Variants in FAM53A observed in about 807,000 individuals in gnomAD.
FAM53A encodes protein FAM53A.
A neutral mutation model predicts 26.6 loss-of-function variants in FAM53A; 28 were observed. The ratio of observed to expected loss-of-function variants is 1.05; its 90% CI spans 0.78 to 1.45. The LOEUF (loss-of-function observed/expected upper bound fraction) is 1.45, where lower values mean the gene tolerates loss of function less well. Among genes scored for constraint, FAM53A ranks in the 40% most tolerant of loss-of-function variants. FAM53A has a pLI of 0.00. For missense variants in FAM53A, 650 were observed against 575.8 expected (o/e 1.13, Z -1.32); for synonymous variants, 290 against 253.1 (o/e 1.15, Z -1.38).
Position 1,655,303 on chromosome 4 carries a change from C to T in FAM53A, c.557G>A (p.Arg186Gln). The change falls in exon 4 of 5, where the codon CGG becomes CAG. Residue 186 changes from arginine to glutamine, a missense_variant. Physicochemically the swap from Arg to Gln is conservative, Grantham distance 43 (BLOSUM62 1). Coordinates refer to ENST00000308132, the MANE Select transcript of FAM53A (RefSeq NM_001174070.3). ...GAAGCCGCCGCTGGCGGAGGACGGC[C>T]GGGGCGTGGCGGGCGAGGTGGGACC... is the stretch of plus-strand genomic sequence containing the variant. ...STGPTSPATP[R>Q]PSSASGGFVD... 13 of 1,416,832 alleles carry T rather than the reference C, an allele frequency of 9.2e-6. No homozygotes were observed. Among genetic ancestry groups the T allele is most frequent in the Non-Finnish European group, 1.2e-5 (13 of 1,091,714 alleles). 87.8% of individuals were successfully genotyped at this position (1,416,832 alleles called of 1,614,324 possible). A position where few individuals can be genotyped will look rare whatever the true frequency, so the allele number is the denominator to read the frequency against.
chr4:1,667,473 G>A (rs184184312), intron 2 of FAM53A, among the ~76,000 whole-genome samples: 68 of 152,210 alleles, frequency 4.5e-4, no homozygotes, highest in Non-Finnish European at 6.8e-4. Context: ...GCGCTGCCAC[G>A]GTCACCTCAG....
chr4:1,665,579 C>T (rs566751600), intron 2 of FAM53A, among the ~76,000 whole-genome samples: 1 of 152,286 alleles, frequency 6.6e-6, no homozygotes, highest in African/African-American at 2.4e-5. Context: ...ATTCACAGGC[C>T]GTGTTTTAAG....
rs917959393 is a variant in FAM53A, at chr4:1,659,900, C to T, written c.76-2432G>A. ...CTGCCGCCATGACCTAAGCACCTCC[C>T]AGAGGCCCCACCTCCAAATATTCAT... On this transcript the variant is annotated intron_variant, in intron 2 of 4. Coordinates refer to ENST00000308132, the MANE Select transcript of FAM53A (RefSeq NM_001174070.3). This position sits in a 1 kb window ranked among gnomAD's most constrained non-coding sequence, Gnocchi z 5.2. 1.3e-5 allele frequency among the ~76,000 whole-genome samples: 2 copies of T among 152,210 alleles called. No individual in the cohort carries two copies. Among genetic ancestry groups the T allele is most frequent in the South Asian group, 4.1e-4 (2 of 4,834 alleles).
chr4:1,673,959 T>C (rs571718368), intron 1 of FAM53A, among the ~76,000 whole-genome samples: 1 of 152,364 alleles, frequency 6.6e-6, no homozygotes, highest in South Asian at 2.1e-4. Context: ...GTGTGGAACA[T>C]GCATTTCCTG....
chr4:1,632,365 C>T (rs62286246), intron 1 of FAM53A, among the ~76,000 whole-genome samples: 32,010 of 151,800 alleles, frequency 0.21, 3,892 homozygotes, highest in Non-Finnish European at 0.27. Flanking sequence ...AACCACAGAG[C>T]GAGGCCCTGG....
At chr4:1,599,915 C>T in the FAM53A span, among the ~76,000 whole-genome samples, 1 of 152,074 alleles carries the variant, frequency 6.6e-6, no homozygotes, top group Admixed American at 6.5e-5. This position sits in a 1 kb window ranked among gnomAD's most constrained non-coding sequence, Gnocchi z 6.1. Context: ...GGGGTACTGC[C>T]GCCCCTCCCC....
the FAM53A span, among the ~76,000 whole-genome samples, chr4:1,607,940 C>CAA: frequency 5.7e-5 from 7 of 121,760 alleles, no homozygotes; most frequent in East Asian, 4.6e-4. Flanking sequence ...GACTCCGTCT[C>CAA]AAAAAAAAAA....
At chr4:1,583,119 G>A in the FAM53A span, among the ~76,000 whole-genome samples, 3 of 152,176 alleles carry the variant, frequency 2.0e-5, no homozygotes, top group East Asian at 5.8e-4. Context: ...CCTGGGAGAT[G>A]GCAAAGGGAG....
chr4:1,670,004 C>T (rs1714516745), intron 1 of FAM53A, among the ~76,000 whole-genome samples: 1 of 152,228 alleles, frequency 6.6e-6, no homozygotes, highest in Non-Finnish European at 1.5e-5. Flanking sequence ...CAGGCCTCAC[C>T]ACCACCAATG....
At chr4:1,575,250 G>A in the FAM53A span, among the ~76,000 whole-genome samples, 1 of 152,214 alleles carries the variant, frequency 6.6e-6, no homozygotes, top group East Asian at 1.9e-4. Context: ...GCAGCCACAG[G>A]ATGGGATGCT....
At chr4:1,672,586 C>T (rs1360127618) in intron 1 of FAM53A, among the ~76,000 whole-genome samples, 3 of 152,030 alleles carry the variant, frequency 2.0e-5, no homozygotes, top group Admixed American at 1.3e-4. Flanking sequence ...GAACGTATGG[C>T]GAGAAACAGA....
chr4:1,680,024 G>GAAA (rs60872364), intron 1 of FAM53A, among the ~76,000 whole-genome samples: 4 of 133,316 alleles, frequency 3.0e-5, no homozygotes, highest in Non-Finnish European at 3.1e-5. Context: ...CTCCGTCTCA[G>GAAA]AAAAAAAAAA....
chr4:1,631,704 C>T (rs1298639832), intron 1 of FAM53A, among the ~76,000 whole-genome samples: 1 of 152,116 alleles, frequency 6.6e-6, no homozygotes, highest in Non-Finnish European at 1.5e-5. Context: ...AAAAAAACAG[C>T]CAAATCAACC....
the FAM53A span, among the ~76,000 whole-genome samples, chr4:1,610,872 TGCCC>T: frequency 6.6e-6 from 1 of 152,152 alleles, no homozygotes; most frequent in African/African-American, 2.4e-5. Flanking sequence ...GGGCCCCGGC[TGCCC>T]TCTTTCTGCC....
downstream of FAM53A, among the ~76,000 whole-genome samples, chr4:1,637,644 C>T (rs1013597246): frequency 6.6e-6 from 1 of 150,978 alleles, no homozygotes; most frequent in Non-Finnish European, 1.5e-5. Flanking sequence ...CAGGGGTGGG[C>T]AGGGGTGGGC....
chr4:1,575,669 C>T, the FAM53A span, among the ~76,000 whole-genome samples: 134 of 152,200 alleles, frequency 8.8e-4, 3 homozygotes, highest in South Asian at 0.025. Context: ...GAGGAAGGTG[C>T]TGGACACTGC....
At chr4:1,593,508 C>T in the FAM53A span, among the ~76,000 whole-genome samples, 28 of 152,168 alleles carry the variant, frequency 1.8e-4, no homozygotes, top group African/African-American at 6.5e-4. Flanking sequence ...TGTAAGTATC[C>T]AGCTTGTATC....
downstream of FAM53A, among the ~76,000 whole-genome samples, chr4:1,615,011 C>G (rs1714755481): frequency 6.6e-6 from 1 of 152,250 alleles, no homozygotes; most frequent in Non-Finnish European, 1.5e-5. Context: ...CAAAAAAGGA[C>G]ATTTACAGAT....
chr4:1,653,072 T>A (rs1024956898), intron 4 of FAM53A, among the ~76,000 whole-genome samples: 1 of 141,878 alleles, frequency 7.0e-6, no homozygotes, highest in African/African-American at 2.6e-5. Context: ...AGACGTCACA[T>A]ACACATCACA....
Sources: gnomAD v4.1 joint callset for allele counts (sites outside exome capture counted in the v4.1 genomes callset) on GRCh38, gnomAD v4.1.1 for gene constraint, Gnocchi (gnomAD v3.1) non-coding constraint, MANE v1.5 for transcripts, NCBI Gene and HGNC (gene_info 2026-07-23, HGNC 2026-07-21) for gene names.